The following CHUK variants were observed in gnomAD, a reference collection of about 807,000 sequenced individuals.
CHUK encodes inhibitor of nuclear factor kappa-B kinase subunit alpha.
CHUK carries 35 observed loss-of-function variants against 104.8 expected under a neutral mutation model. That is an observed-to-expected ratio of 0.33 (90% confidence interval 0.26 to 0.44). CHUK has a LOEUF of 0.44. Ranked by LOEUF, CHUK falls within the 20% of genes least tolerant of loss-of-function variation. The pLI is 1.00. For synonymous variants in CHUK, 276 were observed against 291.9 expected, an observed-to-expected ratio of 0.95 and a Z score of 0.56; for missense variants, 663 against 902.7, an observed-to-expected ratio of 0.73 and a Z score of 3.40.
At chr10:100,201,872 G>A (rs1845471493) in intron 14 of CHUK, among the ~76,000 whole-genome samples, 1 of 151,866 alleles carries the variant, frequency 6.6e-6, no homozygotes. Flanking sequence ...ATAAATAAAG[G>A]AAACTGAAGC....
chr10:100,205,994 G>C (rs1845581110), intron 11 of CHUK, among the ~76,000 whole-genome samples: 1 of 152,094 alleles, frequency 6.6e-6, no homozygotes, highest in Non-Finnish European at 1.5e-5. Context: ...CAAAATACTT[G>C]ACTAGTATTC....
At position 100,204,599 on chromosome 10, in the gene CHUK, C is replaced by T. The variant is rs745427886; in HGVS notation, c.1414G>A (p.Ala472Thr). ...AATTTAGCTTTCAGTTGTTGTGATG[C>T]TGAGATCAAAGTGTTCTTCATTTTT... ...LTKMKNTLIS[A>T]SQQLKAKLEF... The change falls in exon 13 of 21, where the codon GCA (alanine) becomes ACA (threonine). Residue 472 changes from alanine to threonine, a missense_variant. By Grantham distance (58) the Ala-to-Thr change is moderately conservative. Transcript: ENST00000370397. The T allele has an allele frequency of 6.2e-7, 1 of 1,613,150 alleles. No individual in the cohort carries two copies. The highest frequency in any genetic ancestry group is 1.7e-5 in the Admixed American group (1 of 60,002).
Position 100,229,429 on chromosome 10 carries a change from C to A in CHUK, c.104G>T (p.Arg35Leu). 1 of 1,603,258 alleles carries A rather than the reference C, an allele frequency of 6.2e-7. No homozygotes were observed. The highest frequency in any genetic ancestry group is 2.2e-5 in the East Asian group (1 of 44,692). Residue 35 changes from arginine to leucine, a missense_variant and splice_region_variant, in exon 1 of 21, where the codon CGG becomes CTG. Physicochemically the swap from Arg to Leu is moderately radical, Grantham distance 102 (BLOSUM62 -2). Transcript: ENST00000370397. ...GCTCCCTCTCACGCCCCGCCTCACC[C>A]GATGCTGGTACAGACAGACGTTCCC... ...GFGNVCLYQH[R>L]ELDLKIAIKS...
rs1220607436 is a variant in CHUK, at chr10:100,204,611, T to C, written c.1402A>G (p.Thr468Ala). 2 of 1,613,110 alleles carry C rather than the reference T, an allele frequency of 1.2e-6. No homozygotes were observed. The highest frequency in any genetic ancestry group is 1.7e-6 in the Non-Finnish European group (2 of 1,179,320). ...AGTTGTTGTGATGCTGAGATCAAAG[T>C]GTTCTTCATTTTTGTTAAGTTAGCA... Reference protein sequence around the residue: ...YNANLTKMKNTLISASQQLKA... With the variant: ...YNANLTKMKNALISASQQLKA... Residue 468 changes from threonine (T) to alanine (A), a missense_variant, in exon 13 of 21, where the codon ACT becomes GCT. By Grantham distance (58) the Thr-to-Ala change is moderately conservative (BLOSUM62 0). Coordinates refer to ENST00000370397, the MANE Select transcript of CHUK (RefSeq NM_001278.5).
At chr10:100,212,980 G>A (rs117805879) in intron 9 of CHUK, among the ~76,000 whole-genome samples, 4,245 of 136,020 alleles carry the variant, frequency 0.031, 97 homozygotes, top group Non-Finnish European at 0.045. Flanking sequence ...CACTCCAGGC[G>A]ACAGAGTGAG....
At chr10:100,218,246 T>C (rs2134242838) in intron 8 of CHUK, 116 bp from the exon 9 acceptor site, 2 of 876,032 alleles carry the variant, frequency 2.3e-6, no homozygotes, top group South Asian at 1.5e-5. Flanking sequence ...CACTTGTCTG[T>C]ACCATTTCAT....
chr10:100,219,147 A>T lies in CHUK; in HGVS notation c.565-15T>A. 1 of 1,613,102 alleles carries T rather than the reference A, an allele frequency of 6.2e-7. No homozygotes were observed. The highest frequency in any genetic ancestry group is 1.3e-5 in the African/African-American group (1 of 75,016). On this transcript the variant is annotated splice_polypyrimidine_tract_variant and intron_variant, in intron 6 of 20. Coordinates refer to ENST00000370397, the MANE Select transcript of CHUK (RefSeq NM_001278.5). ...AGCTCTGGGGCCTTCAAAAGAGAAA[A>T]TGCTTTAAACACCAACACTGTATGG...
chr10:100,192,781 T>C, intron 19 of CHUK: 1 of 966,510 alleles, frequency 1.0e-6, no homozygotes, highest in Non-Finnish European at 1.2e-6. Flanking sequence ...TCTGAGTTCT[T>C]GCAAAACTGA....
chr10:100,217,865 A>G, intron 9 of CHUK, 130 bp downstream of exon 9: 1 of 990,600 alleles, frequency 1.0e-6, no homozygotes, highest in Non-Finnish European at 1.5e-6. Flanking sequence ...TGACAGAGTG[A>G]GACCCTGTCT....
chr10:100,201,991 G>A, intron 14 of CHUK, 97 bp downstream of exon 14: 1 of 902,006 alleles, frequency 1.1e-6, no homozygotes, highest in Non-Finnish European at 1.8e-6. Context: ...TTTCAGGAAT[G>A]ACATGAAAAA....
intron 19 of CHUK, chr10:100,192,560 C>T: frequency 1.0e-6 from 1 of 974,658 alleles, no homozygotes; most frequent in Non-Finnish European, 1.2e-6. Flanking sequence ...AACATGGCTG[C>T]ACTTCTGCAA....
intron 11 of CHUK, 66 bp from the exon 12 acceptor site, chr10:100,205,265 T>C (rs548779669): frequency 4.0e-6 from 6 of 1,516,746 alleles, no homozygotes; most frequent in East Asian, 4.5e-5. Flanking sequence ...TTAGAGTTGA[T>C]TTATCATTCT....
intron 16 of CHUK, chr10:100,195,728 A>G (rs1281014233): frequency 2.6e-5 from 4 of 152,222 alleles, no homozygotes; most frequent in African/African-American, 7.2e-5. Context: ...CCACAAATCA[A>G]GTGTGATTAT....
In CHUK at chr10:100,189,441, A is replaced by T; in HGVS notation, c.*157T>A. The T allele has an allele frequency of 1.5e-6, 1 of 664,946 alleles. No homozygotes were observed. Among genetic ancestry groups the T allele is most frequent in the Non-Finnish European group, 2.7e-6 (1 of 364,586 alleles). The allele number at this position is 664,946 out of a possible 1,614,324, so 41.2% of individuals were successfully genotyped here. On this transcript the variant is annotated 3_prime_UTR_variant, in exon 21 of 21. Coordinates refer to ENST00000370397, the MANE Select transcript of CHUK (RefSeq NM_001278.5). The stretch of plus-strand genomic sequence containing the variant: ...TACTCAAAACTGTTATACTTGTAAA[A>T]TCATGTTCTTCTGATCATAGTAGAA...
chr10:100,218,648 C>T (rs1426324759), intron 8 of CHUK, 70 bp downstream of exon 8: 3 of 986,690 alleles, frequency 3.0e-6, no homozygotes, highest in Non-Finnish European at 4.9e-6. Flanking sequence ...TTGAAACAGA[C>T]AACTACTCTC....
chr10:100,186,772 G>A (rs1225060345), downstream of CHUK: 4 of 152,258 alleles, frequency 2.6e-5, no homozygotes, highest in Non-Finnish European at 4.4e-5. Context: ...GTATAGTTGG[G>A]AGATAGATGA....
chr10:100,218,233 C>T (rs1249719541), intron 8 of CHUK, 103 bp from the exon 9 acceptor site: 27 of 991,042 alleles, frequency 2.7e-5, no homozygotes, highest in Admixed American at 7.5e-5. Context: ...TTCTTTCCCA[C>T]ATCACTTGTC....
At chr10:100,190,762 T>C in intron 20 of CHUK, 107 bp downstream of exon 20, 1 of 783,292 alleles carries the variant, frequency 1.3e-6, no homozygotes, top group African/African-American at 1.7e-5. Flanking sequence ...CTTGAGTTCT[T>C]CTATTTCCCA....
intron 16 of CHUK, 29 bp from the exon 17 acceptor site, chr10:100,194,550 A>G: frequency 6.9e-7 from 1 of 1,459,568 alleles, no homozygotes; most frequent in Non-Finnish European, 9.6e-7. Flanking sequence ...AGTGGATATA[A>G]CCTTTCTTCT....
Sources: allele counts gnomAD v4.1 joint callset (sites outside exome capture counted in the v4.1 genomes callset), GRCh38; gene constraint gnomAD v4.1.1; transcripts MANE v1.5; gene names NCBI Gene and HGNC (gene_info 2026-07-23, HGNC 2026-07-21).